The following AHCYL1 variants were observed in gnomAD, a reference collection of about 807,000 sequenced individuals.
The protein encoded by AHCYL1 is S-adenosylhomocysteine hydrolase-like protein 1.
AHCYL1 carries 20 observed loss-of-function variants against 79.3 expected under a neutral mutation model. The observed-to-expected ratio is 0.25, with a 90% CI of 0.18 to 0.37. AHCYL1 has a LOEUF of 0.37. Ranked by LOEUF, AHCYL1 falls within the 10% of genes least tolerant of loss-of-function variation. AHCYL1 has a pLI of 1.00. For synonymous variants in AHCYL1, 223 were observed against 242.2 expected (o/e 0.92, Z 0.74); for missense variants, 330 against 673.6 (o/e 0.49, Z 5.65).
intron 1 of AHCYL1, among the ~76,000 whole-genome samples, chr1:109,986,545 T>G (rs975331117): frequency 4.6e-5 from 7 of 152,230 alleles, no homozygotes; most frequent in African/African-American, 1.7e-4. Flanking sequence ...CTTTGCAATC[T>G]GCACTATTCT....
At chr1:109,999,516 A>C (rs970888570) in intron 1 of AHCYL1, among the ~76,000 whole-genome samples, 38 of 152,210 alleles carry the variant, frequency 2.5e-4, no homozygotes, top group Non-Finnish European at 4.6e-4. Flanking sequence ...TGCACATAAA[A>C]GTGAGATTAT....
At chr1:110,019,234 AAT>A in intron 14 of AHCYL1, 115 bp downstream of exon 14, 1 of 1,112,864 alleles carries the variant, frequency 9.0e-7, no homozygotes, top group Non-Finnish European at 1.3e-6. Context: ...TTTTTGATGT[AAT>A]AAATTGTGGA....
chr1:109,998,657 T>C (rs1046557544), intron 1 of AHCYL1, among the ~76,000 whole-genome samples: 2 of 152,056 alleles, frequency 1.3e-5, no homozygotes, highest in African/African-American at 4.8e-5. Flanking sequence ...TTTGTATTTT[T>C]AGTACAGATG....
At chr1:110,004,267 A>T in intron 1 of AHCYL1, 2 of 985,546 alleles carry the variant, frequency 2.0e-6, no homozygotes, top group South Asian at 9.4e-5. Context: ...CAAGAAACTC[A>T]GGCCCCATCT....
At chr1:109,989,730 T>G (rs1282640241) in intron 1 of AHCYL1, among the ~76,000 whole-genome samples, 1 of 152,206 alleles carries the variant, frequency 6.6e-6, no homozygotes, top group Non-Finnish European at 1.5e-5. Context: ...TTCTCAAGTT[T>G]GGGAATGTGA....
intron 1 of AHCYL1, among the ~76,000 whole-genome samples, chr1:110,005,517 C>T (rs1054419461): frequency 4.1e-4 from 63 of 152,246 alleles, no homozygotes; most frequent in African/African-American, 1.4e-3. Context: ...TGGAGTAGCA[C>T]TGGATACTTA....
intron 1 of AHCYL1, among the ~76,000 whole-genome samples, chr1:109,986,477 G>A (rs769473801): frequency 2.0e-5 from 3 of 152,156 alleles, no homozygotes; most frequent in South Asian, 2.1e-4. Context: ...TGACTCTGAG[G>A]CATCTGATTA....
chr1:110,019,760 A>G, intron 15 of AHCYL1, 134 bp downstream of exon 15: 1 of 762,602 alleles, frequency 1.3e-6, no homozygotes, highest in South Asian at 1.9e-5. Flanking sequence ...ACCTCAGGAC[A>G]AGTTCTAATC....
At chr1:109,992,078 G>T (rs1044284676) in intron 1 of AHCYL1, among the ~76,000 whole-genome samples, 2 of 150,852 alleles carry the variant, frequency 1.3e-5, no homozygotes, top group Non-Finnish European at 2.9e-5. Flanking sequence ...AGAAATCTGG[G>T]GGCGGGGGGA....
chr1:110,003,649 CAG>C (rs577898051), intron 1 of AHCYL1, among the ~76,000 whole-genome samples: 177 of 151,618 alleles, frequency 1.2e-3, no homozygotes, highest in African/African-American at 4.0e-3. Flanking sequence ...TCGGGAGAAA[CAG>C]AGATGACTGG....
chr1:110,021,762 T>C lies in AHCYL1; in HGVS notation c.*82T>C. 7.0e-7 allele frequency: 1 copy of C among 1,437,410 alleles called. No homozygotes were observed. The highest frequency in any genetic ancestry group is 9.6e-7 in the Non-Finnish European group (1 of 1,038,620). 89.0% of individuals were successfully genotyped at this position (1,437,410 alleles called of 1,614,324 possible). On this transcript the variant is annotated 3_prime_UTR_variant, in exon 17 of 17. Coordinates refer to ENST00000369799, the MANE Select transcript of AHCYL1 (RefSeq NM_006621.7). Reference sequence around the variant, plus strand: ...TTTAAGATAACTTTTATTTTCTTCTTACTCCTTTCCTCTTGATTTTTTTCC... The same window carrying C: ...TTTAAGATAACTTTTATTTTCTTCTCACTCCTTTCCTCTTGATTTTTTTCC...
chr1:109,992,408 C>CA (rs57891226), intron 1 of AHCYL1, among the ~76,000 whole-genome samples: 17,659 of 72,064 alleles, frequency 0.25, 1,820 homozygotes, highest in South Asian at 0.48. Context: ...GACTCCGTCT[C>CA]AAAAAAAAAA....
In AHCYL1 at chr1:110,017,587, A is replaced by G. The variant is rs780501526; in HGVS notation, c.1052+4A>G. ...CCATCTGTGCTCTGCAGGCCTGGTA[A>G]GAACAGAGTGATAATACTATTAGAT... is the stretch of plus-strand genomic sequence containing the variant. On this transcript the variant is annotated splice_donor_region_variant and intron_variant, in intron 10 of 16. Coordinates refer to ENST00000369799, the MANE Select transcript of AHCYL1 (RefSeq NM_006621.7). 1.9e-6 allele frequency: 3 copies of G among 1,613,016 alleles called. No individual in the cohort carries two copies. The highest frequency in any genetic ancestry group is 1.7e-6 in the Non-Finnish European group (2 of 1,179,034).
At chr1:110,010,897 A>G (rs1038685134) in intron 2 of AHCYL1, among the ~76,000 whole-genome samples, 2 of 152,212 alleles carry the variant, frequency 1.3e-5, no homozygotes, top group African/African-American at 2.4e-5. Flanking sequence ...TCTGGTTCCA[A>G]TCCAGATGGG....
chr1:110,001,577 T>A (rs924406645), intron 1 of AHCYL1, among the ~76,000 whole-genome samples: 2 of 152,036 alleles, frequency 1.3e-5, no homozygotes, highest in African/African-American at 4.8e-5. Flanking sequence ...AAAAACAAGG[T>A]GCAGACTATA....
intron 1 of AHCYL1, chr1:110,000,909 C>T: frequency 1.0e-6 from 1 of 974,164 alleles, no homozygotes; most frequent in Non-Finnish European, 1.2e-6. Flanking sequence ...CCTCTGTAAA[C>T]TGTAAGCCAC....
rs750425356 is a variant in AHCYL1 at position 110,022,534 on chromosome 1, C to G, written c.*854C>G. ...TAGTCTCAAGCCCTGTTAAGTCCCT[C>G]TGTTTCTAGCCCGTAGTTCATAGCA... On this transcript the variant is annotated 3_prime_UTR_variant, in exon 17 of 17. Transcript: ENST00000369799. 9 of 152,656 alleles carry G rather than the reference C, an allele frequency of 5.9e-5. No individual in the cohort carries two copies. The highest frequency in any genetic ancestry group is 1.3e-4 in the Non-Finnish European group (9 of 68,052). The allele number at this position is 152,656 out of a possible 1,614,324, so 9.5% of individuals were successfully genotyped here.
In AHCYL1 at chr1:109,985,311, G is replaced by T. The variant is rs1206271363; in HGVS notation, c.120+139G>T. The stretch of plus-strand genomic sequence containing the variant: ...AGGTGATGTAGGGGGTGGCGGCTGT[G>T]CGGCCCCAGGCCTCTCCCGGGCTGA... On this transcript the variant is annotated intron_variant, in intron 1 of 16. Coordinates refer to ENST00000369799, the MANE Select transcript of AHCYL1 (RefSeq NM_006621.7). The T allele has an allele frequency of 3.0e-5, 42 of 1,393,122 alleles. No individual in the cohort carries two copies. The South Asian group carries it at 3.5e-4, about 12-fold the overall frequency. 86.3% of individuals were successfully genotyped at this position (1,393,122 alleles called of 1,614,324 possible).
In AHCYL1 at chr1:110,023,722, G is replaced by A. The variant is rs982213954; in HGVS notation, c.*2042G>A. The stretch of plus-strand genomic sequence containing the variant: ...CAGATGAGCAATAATCATTAAAATC[G>A]ATTAAAATGATAAGACCTTATTGGC... On this transcript the variant is annotated 3_prime_UTR_variant, in exon 17 of 17. Coordinates refer to ENST00000369799, the MANE Select transcript of AHCYL1 (RefSeq NM_006621.7). 7 of 152,560 alleles carry A rather than the reference G, an allele frequency of 4.6e-5. No homozygotes were observed. The highest frequency in any genetic ancestry group is 3.3e-4 in the Admixed American group (5 of 15,272). The allele number at this position is 152,560 out of a possible 1,614,324, so 9.5% of individuals were successfully genotyped here.
Sources: gnomAD v4.1 joint callset for allele counts (sites outside exome capture counted in the v4.1 genomes callset) on GRCh38, gnomAD v4.1.1 for gene constraint, MANE v1.5 for transcripts, NCBI Gene and HGNC (gene_info 2026-07-23, HGNC 2026-07-21) for gene names.